The following LRGUK variants were observed in gnomAD, a reference collection of about 807,000 sequenced individuals.
The protein encoded by LRGUK is leucine-rich repeat and guanylate kinase domain-containing protein.
LRGUK carries 65 observed loss-of-function variants against 76.0 expected under a neutral mutation model. That is an observed-to-expected ratio of 0.85 (90% CI 0.70 to 1.05). LRGUK has a LOEUF of 1.05. LRGUK is among the 50% of genes least tolerant of loss of function. The pLI, the probability that LRGUK is intolerant of heterozygous loss-of-function variation, is 0.00. For synonymous variants in LRGUK, 268 were observed against 265.6 expected (o/e 1.01, Z -0.09); for missense variants, 758 against 732.8 (o/e 1.03, Z -0.40).
At chr7:134,218,858 T>C (rs1239606512) in intron 15 of LRGUK, among the ~76,000 whole-genome samples, 1 of 152,240 alleles carries the variant, frequency 6.6e-6, no homozygotes. Flanking sequence ...TTAGAAGTAA[T>C]TTGAAACATG....
At chr7:134,158,140 C>T (rs773900870) in exon 6 of LRGUK, 2 of 1,612,370 alleles carry the variant, frequency 1.2e-6, no homozygotes, top group Non-Finnish European at 1.7e-6. Context: ...AACAAGTTAC[C>T]AATCAAAATA....
At chr7:134,190,636 C>A (rs1800165423) in intron 11 of LRGUK, among the ~76,000 whole-genome samples, 1 of 152,134 alleles carries the variant, frequency 6.6e-6, no homozygotes, top group African/African-American at 2.4e-5. Context: ...CTTGTAGGAC[C>A]AACACTGGCC....
chr7:134,223,776 A>G (rs1376822426), intron 16 of LRGUK, among the ~76,000 whole-genome samples: 2 of 152,140 alleles, frequency 1.3e-5, no homozygotes, highest in Non-Finnish European at 2.9e-5. Context: ...TACTATTAGT[A>G]GCTTTTTTCT....
the LRGUK span, among the ~76,000 whole-genome samples, chr7:134,273,261 C>T: frequency 2.6e-5 from 4 of 152,084 alleles, no homozygotes; most frequent in South Asian, 2.1e-4. Flanking sequence ...GAGAACTTGG[C>T]GAACCTGATG....
chr7:134,197,909 G>A (rs534241064), intron 13 of LRGUK, among the ~76,000 whole-genome samples: 100 of 150,974 alleles, frequency 6.6e-4, no homozygotes, highest in Middle Eastern at 6.8e-3. Flanking sequence ...GACACTTTTG[G>A]AATTAAAAAA....
chr7:134,215,592 A>T (rs1289249114), intron 15 of LRGUK, among the ~76,000 whole-genome samples: 2 of 152,108 alleles, frequency 1.3e-5, no homozygotes, highest in Non-Finnish European at 2.9e-5. Flanking sequence ...TATACGTTTT[A>T]TATAAAGCTT....
At chr7:134,228,347 T>C (rs1801812673) in intron 16 of LRGUK, among the ~76,000 whole-genome samples, 1 of 152,134 alleles carries the variant, frequency 6.6e-6, no homozygotes, top group Non-Finnish European at 1.5e-5. Context: ...CAGTAGAGAA[T>C]TTTCTTTTGG....
intron 8 of LRGUK, among the ~76,000 whole-genome samples, chr7:134,176,043 G>T (rs1226280320): frequency 6.6e-6 from 1 of 152,204 alleles, no homozygotes; most frequent in African/African-American, 2.4e-5. Context: ...TCTTAGATGA[G>T]ACGCTTCACT....
intron 15 of LRGUK, among the ~76,000 whole-genome samples, chr7:134,203,272 T>G (rs1348074278): frequency 6.6e-6 from 1 of 152,200 alleles, no homozygotes; most frequent in Non-Finnish European, 1.5e-5. Context: ...GTTTTAAAAC[T>G]TTCCCTTGAT....
exon 2 of LRGUK, chr7:134,137,057 T>A: frequency 6.2e-7 from 1 of 1,613,686 alleles, no homozygotes; most frequent in Non-Finnish European, 8.5e-7. Flanking sequence ...GAGGAGGCTG[T>A]GGCCAAAGCA....
intron 4 of LRGUK, among the ~76,000 whole-genome samples, chr7:134,145,510 G>C (rs1021722375): frequency 6.6e-6 from 1 of 152,220 alleles, no homozygotes; most frequent in Non-Finnish European, 1.5e-5. Context: ...GCCTCCCAAA[G>C]TGCTGGGATT....
chr7:134,167,175 C>T (rs1799028621), intron 7 of LRGUK, among the ~76,000 whole-genome samples: 1 of 152,196 alleles, frequency 6.6e-6, no homozygotes, highest in Non-Finnish European at 1.5e-5. Context: ...GGTCTTTGGC[C>T]TCCTTACACC....
At chr7:134,257,660 G>A (rs2598270) in intron 18 of LRGUK, among the ~76,000 whole-genome samples, 1,796 of 152,156 alleles carry the variant, frequency 0.012, 36 homozygotes, top group African/African-American at 0.041. Flanking sequence ...ACAAAAATTA[G>A]CCAGGCAATG....
intron 8 of LRGUK, 105 bp downstream of exon 8, chr7:134,174,741 A>G (rs1799413114): frequency 1.4e-6 from 1 of 729,026 alleles, no homozygotes; most frequent in Non-Finnish European, 2.4e-6. Context: ...AAAGAATATC[A>G]GGAATGTGAA....
At chr7:134,199,142 C>G (rs760681368) in intron 13 of LRGUK, 78 bp from the exon 14 acceptor site, 1 of 1,082,010 alleles carries the variant, frequency 9.2e-7, no homozygotes, top group East Asian at 2.4e-5. Context: ...TTCTTATACC[C>G]ATGTTGTCAG....
At chr7:134,194,636 G>T (rs1041475100) in intron 12 of LRGUK, among the ~76,000 whole-genome samples, 4 of 152,132 alleles carry the variant, frequency 2.6e-5, no homozygotes, top group African/African-American at 9.7e-5. Context: ...AGCAACTCAG[G>T]AGGCTGAGGC....
intron 16 of LRGUK, among the ~76,000 whole-genome samples, chr7:134,225,140 A>C (rs1052421283): frequency 1.4e-4 from 21 of 151,058 alleles, no homozygotes; most frequent in African/African-American, 3.6e-4. Context: ...AAAAAAAAAA[A>C]AAAAAAAAAC....
At chr7:134,201,307 A>C (rs1327917520) in intron 14 of LRGUK, among the ~76,000 whole-genome samples, 174 bp from the exon 15 acceptor site, 2 of 152,164 alleles carry the variant, frequency 1.3e-5, no homozygotes, top group Non-Finnish European at 2.9e-5. Context: ...CCCACACTTA[A>C]GGGGAGGAGA....
downstream of LRGUK, among the ~76,000 whole-genome samples, chr7:134,210,607 A>G (rs562797247): frequency 2.6e-5 from 4 of 152,316 alleles, no homozygotes; most frequent in South Asian, 6.2e-4. Flanking sequence ...CGGAGTCGCT[A>G]CAGGATAGCT....
Sources: allele counts gnomAD v4.1 joint callset (sites outside exome capture counted in the v4.1 genomes callset), GRCh38; gene constraint gnomAD v4.1.1; transcripts MANE v1.5; gene names NCBI Gene and HGNC (gene_info 2026-07-23, HGNC 2026-07-21).